Variants in PLAAT1 observed in about 807,000 individuals in gnomAD.
PLAAT1 encodes H-REV107 protein-related protein.
Under a neutral mutation model 16.4 loss-of-function variants are expected in PLAAT1, and 13 were observed. That is an observed-to-expected ratio of 0.79 (90% CI 0.52 to 1.26). The LOEUF (loss-of-function observed/expected upper bound fraction) is 1.26. PLAAT1 is among the 50% of genes most tolerant of loss of function. The pLI, the probability that PLAAT1 is intolerant of heterozygous loss-of-function variation, is 0.00. For missense variants in PLAAT1, 218 were observed against 207.8 expected (o/e 1.05, Z -0.30); for synonymous variants, 73 against 78.4 (o/e 0.93, Z 0.36).
At chr3:193,247,762 CTAGGTTTG>C in intron 1 of PLAAT1, among the ~76,000 whole-genome samples, 1 of 152,002 alleles carries the variant, frequency 6.6e-6, no homozygotes, top group Admixed American at 6.5e-5. Context: ...TTATTGATTT[CTAGGTTTG>C]TGCCATTGTG....
chr3:193,278,096 G>A (rs1717310269), downstream of PLAAT1, among the ~76,000 whole-genome samples: 1 of 152,160 alleles, frequency 6.6e-6, no homozygotes, highest in African/African-American at 2.4e-5. Flanking sequence ...GAGCCACCAT[G>A]CCTGACCCTG....
chr3:193,276,808 C>T, intron 2 of PLAAT1: 1 of 1,613,602 alleles, frequency 6.2e-7, no homozygotes, highest in South Asian at 1.1e-5. Flanking sequence ...TAAAACCCTC[C>T]ACGATGTTAT....
chr3:193,241,003 G>T (rs1715701372), upstream of PLAAT1: 4 of 366,652 alleles, frequency 1.1e-5, no homozygotes, highest in Admixed American at 1.9e-4. Flanking sequence ...ACGCGGGTGC[G>T]GAGCCGGGGG....
In PLAAT1 at chr3:193,255,682, A is replaced by G; in HGVS notation, c.32A>G (p.Tyr11Cys). ...TTTAATGATTGCTTCAGTTTGAACT[A>G]CCCTGGCAACCCCTGCCCAGGGGAC... Reference protein sequence around the residue: MAFNDCFSLNYPGNPCPGDLI... With the variant: MAFNDCFSLNCPGNPCPGDLI... Residue 11 changes from tyrosine (Y) to cysteine (C), a missense_variant, in exon 2 of 4, where the codon TAC (tyrosine) becomes TGC (cysteine). Physicochemically the swap from Tyr to Cys is radical, Grantham distance 194 (BLOSUM62 -2). Coordinates refer to ENST00000264735, the MANE Select transcript of PLAAT1 (RefSeq NM_020386.5). The G allele has an allele frequency of 3.7e-6, 6 of 1,612,488 alleles. No individual in the cohort carries two copies. Among genetic ancestry groups the G allele is most frequent in the South Asian group, 1.1e-5 (1 of 90,842 alleles).
downstream of PLAAT1, chr3:193,281,287 A>G: frequency 1.3e-6 from 1 of 777,018 alleles, no homozygotes; most frequent in Non-Finnish European, 1.6e-6. Context: ...ACTGGGGCTG[A>G]GTGGGGTGCA....
chr3:193,262,889 G>A (rs568409129), intron 2 of PLAAT1, 81 bp from the exon 3 acceptor site: 1 of 1,403,902 alleles, frequency 7.1e-7, no homozygotes, highest in African/African-American at 1.4e-5. Flanking sequence ...AGACATGCCA[G>A]CATTTCCAAA....
intron 3 of PLAAT1, among the ~76,000 whole-genome samples, chr3:193,263,871 A>T (rs1716682104): frequency 2.0e-5 from 3 of 152,152 alleles, no homozygotes. Context: ...TCTAGCTAAC[A>T]GCATGTTCGT....
At chr3:193,254,598 T>C (rs534359808) in intron 1 of PLAAT1, among the ~76,000 whole-genome samples, 28 of 152,310 alleles carry the variant, frequency 1.8e-4, no homozygotes, top group African/African-American at 6.0e-4. Context: ...CAGATACTTA[T>C]GTATTCTTTC....
intron 2 of PLAAT1, among the ~76,000 whole-genome samples, chr3:193,261,106 C>T (rs912891096): frequency 2.6e-5 from 4 of 152,132 alleles, no homozygotes; most frequent in Admixed American, 6.5e-5. Context: ...TGCTGGGTCA[C>T]GCCTGTAATC....
At chr3:193,247,576 A>T (rs1716027059) in intron 1 of PLAAT1, among the ~76,000 whole-genome samples, 3 of 152,210 alleles carry the variant, frequency 2.0e-5, no homozygotes, top group Admixed American at 1.3e-4. Flanking sequence ...TGGTCATGAG[A>T]CAAGAGCCCA....
In PLAAT1 at chr3:193,265,888, CTCT is replaced by C. The variant is rs1487682160; in HGVS notation, c.405+2661_405+2663del. Among the ~76,000 whole-genome samples the C allele has an allele frequency of 5.3e-5, 8 of 151,308 alleles. No individual in the cohort carries two copies. In the East Asian group the frequency reaches 1.2e-3, roughly 22 times the overall value. On this transcript the variant is annotated intron_variant, in intron 3 of 3. Coordinates refer to ENST00000264735, the MANE Select transcript of PLAAT1 (RefSeq NM_020386.5). Reference sequence around the variant, plus strand: ...TGTAGATAGGAAATAGGTTCCATTCCTCTTCTTCTTTGTTAATGACAAAGTTGT... The same window carrying C: ...TGTAGATAGGAAATAGGTTCCATTCCTCTTCTTTGTTAATGACAAAGTTGT...
intron 1 of PLAAT1, among the ~76,000 whole-genome samples, chr3:193,248,758 A>T (rs973712550): frequency 2.6e-5 from 4 of 152,164 alleles, no homozygotes; most frequent in African/African-American, 9.6e-5. Flanking sequence ...TGGCATGTCC[A>T]TTAGCAAAGT....
chr3:193,245,429 CG>C (rs1173377796), intron 1 of PLAAT1, among the ~76,000 whole-genome samples: 1 of 152,060 alleles, frequency 6.6e-6, no homozygotes, highest in Non-Finnish European at 1.5e-5. Flanking sequence ...CATTTTTATC[CG>C]TTTATCCATT....
chr3:193,256,168 CTGGGGG>C (rs1308337493), intron 2 of PLAAT1, among the ~76,000 whole-genome samples: 1 of 152,124 alleles, frequency 6.6e-6, no homozygotes, highest in Admixed American at 6.5e-5. Context: ...ATTCTAAGTG[CTGGGGG>C]TATACAGACG....
At position 193,270,610 on chromosome 3, in the gene PLAAT1, C is replaced by G. The variant is rs151296838; in HGVS notation, c.412C>G (p.Arg138Gly). Residue 138 changes from arginine to glycine, a missense_variant, in exon 4 of 4, where the codon CGA (arginine) becomes GGA (glycine). By Grantham distance (125) the Arg-to-Gly change is moderately radical (BLOSUM62 -2). Coordinates refer to ENST00000264735, the MANE Select transcript of PLAAT1 (RefSeq NM_020386.5). ...ACTTCTTGTTTCCTTATAGGCCAAC[C>G]GAGCGATAAGTACCGTTGAGTTTGT... ...YGEGVSEQANRAISTVEFVTA... is the reference protein window; with the variant it reads ...YGEGVSEQANGAISTVEFVTA... 3.1e-6 allele frequency: 5 copies of G among 1,611,220 alleles called. No homozygotes were observed. The highest frequency in any genetic ancestry group is 4.2e-6 in the Non-Finnish European group (5 of 1,178,466).
At chr3:193,258,379 C>T (rs577293654) in intron 2 of PLAAT1, among the ~76,000 whole-genome samples, 1 of 152,108 alleles carries the variant, frequency 6.6e-6, no homozygotes, top group African/African-American at 2.4e-5. Context: ...AGACCAACCC[C>T]AAGCTAGCAG....
intron 2 of PLAAT1, among the ~76,000 whole-genome samples, 181 bp downstream of exon 2, chr3:193,255,970 A>G (rs1222180481): frequency 2.0e-5 from 3 of 152,220 alleles, no homozygotes; most frequent in Non-Finnish European, 4.4e-5. Context: ...AAGAAATCAC[A>G]AAGGCCAATT....
intron 2 of PLAAT1, among the ~76,000 whole-genome samples, 187 bp downstream of exon 2, chr3:193,255,976 C>G (rs1716359902): frequency 6.6e-6 from 1 of 152,066 alleles, no homozygotes; most frequent in Non-Finnish European, 1.5e-5. Context: ...TCACAAAGGC[C>G]AATTCACATG....
chr3:193,276,419 T>C (rs1233474757), intron 2 of PLAAT1, among the ~76,000 whole-genome samples: 1 of 152,214 alleles, frequency 6.6e-6, no homozygotes, highest in Non-Finnish European at 1.5e-5. Context: ...CTTTGGGTTT[T>C]AGGGTTGGAA....
Sources: allele counts gnomAD v4.1 joint callset (sites outside exome capture counted in the v4.1 genomes callset), GRCh38; gene constraint gnomAD v4.1.1; transcripts MANE v1.5; gene names NCBI Gene and HGNC (gene_info 2026-07-23, HGNC 2026-07-21).